Variants in EPHA3 observed in about 807,000 individuals in gnomAD.
EPHA3 encodes EPH receptor A3.
Under a neutral mutation model 107.1 loss-of-function variants are expected in EPHA3, and 42 were observed. The ratio of observed to expected loss-of-function variants is 0.39; its 90% CI spans 0.31 to 0.51. EPHA3 has a LOEUF of 0.51. EPHA3 is among the 20% of genes least tolerant of loss of function. EPHA3 has a pLI of 0.78. For synonymous variants in EPHA3, 461 were observed against 424.8 expected (o/e 1.09, Z -1.05); for missense variants, 1,183 against 1,211.2 (o/e 0.98, Z 0.35).
intron 5 of EPHA3, among the ~76,000 whole-genome samples, chr3:89,381,074 G>T (rs1241927559): frequency 6.6e-6 from 1 of 151,922 alleles, no homozygotes; most frequent in African/African-American, 2.4e-5. Context: ...CTGGTTTCCC[G>T]CCATTCTCTT....
chr3:89,285,647 G>A (rs898036402), intron 3 of EPHA3, among the ~76,000 whole-genome samples: 3 of 152,192 alleles, frequency 2.0e-5, no homozygotes, highest in Admixed American at 6.5e-5. Context: ...GGCCCTGGCC[G>A]GAAGAGTTGT....
intron 2 of EPHA3, among the ~76,000 whole-genome samples, chr3:89,206,161 A>G (rs1706098550): frequency 6.6e-6 from 1 of 152,158 alleles, no homozygotes; most frequent in South Asian, 2.1e-4. Flanking sequence ...TGAAGTGATA[A>G]TTGCTCCTTG....
chr3:89,278,112 T>C (rs1034242694), intron 3 of EPHA3, among the ~76,000 whole-genome samples: 2 of 152,326 alleles, frequency 1.3e-5, no homozygotes, highest in African/African-American at 2.4e-5. Flanking sequence ...TCCTTTAAAA[T>C]AGAGTCAAAA....
intron 1 of EPHA3, among the ~76,000 whole-genome samples, chr3:89,117,835 G>A (rs981505235): frequency 1.3e-5 from 2 of 151,866 alleles, no homozygotes; most frequent in African/African-American, 4.8e-5. Context: ...TTCAAAGGTG[G>A]CAAAAAGGCT....
At chr3:89,421,020 A>C (rs1331736334) in intron 11 of EPHA3, among the ~76,000 whole-genome samples, 1 of 151,458 alleles carries the variant, frequency 6.6e-6, no homozygotes, top group Non-Finnish European at 1.5e-5. Context: ...TGCTAGAGGT[A>C]GCACTGGGAA....
chr3:89,173,989 A>G (rs949040650), intron 2 of EPHA3, among the ~76,000 whole-genome samples: 12 of 152,020 alleles, frequency 7.9e-5, no homozygotes, highest in African/African-American at 2.9e-4. Flanking sequence ...GTCTTTTGGG[A>G]CATATATTTT....
chr3:89,299,499 A>T (rs1429680886), intron 3 of EPHA3, among the ~76,000 whole-genome samples: 6 of 152,028 alleles, frequency 3.9e-5, no homozygotes, highest in Non-Finnish European at 8.8e-5. Context: ...TAACGGCATC[A>T]TCATAAAATA....
intron 2 of EPHA3, among the ~76,000 whole-genome samples, chr3:89,185,281 T>C (rs1280682355): frequency 1.3e-5 from 2 of 151,922 alleles, no homozygotes; most frequent in African/African-American, 2.4e-5. Context: ...TTTTAGAAAT[T>C]AGAAAAAAAA....
chr3:89,330,780 C>T (rs975650289), intron 3 of EPHA3, among the ~76,000 whole-genome samples: 8 of 152,118 alleles, frequency 5.3e-5, no homozygotes, highest in South Asian at 2.1e-4. Context: ...CTAAATTTTC[C>T]GCTCTGTTTT....
intron 3 of EPHA3, among the ~76,000 whole-genome samples, chr3:89,305,678 A>G (rs761702308): frequency 1.3e-5 from 2 of 152,032 alleles, no homozygotes; most frequent in Non-Finnish European, 2.9e-5. Context: ...TGTGCCACCA[A>G]TTTTAGTGTT....
rs149351497 is a variant in EPHA3 at position 89,206,327 on chromosome 3, C to T, written c.154-3533C>T. On this transcript the variant is annotated intron_variant, in intron 2 of 16. Transcript: ENST00000336596. ...ATTTTACATCAAGTTATGAAAACCT[C>T]TACACAATATGTTCTGTTTGATGTC... Among the ~76,000 whole-genome samples, 1,151 of 152,198 alleles carry T rather than the reference C, an allele frequency of 7.6e-3. 25 individuals carry two copies. The highest frequency in any genetic ancestry group is 6.1e-3 in the Non-Finnish European group (415 of 67,994).
chr3:89,422,536 C>T (rs1163930621), intron 11 of EPHA3, among the ~76,000 whole-genome samples: 3 of 151,304 alleles, frequency 2.0e-5, no homozygotes, highest in East Asian at 3.9e-4. Context: ...TTCATTTCTT[C>T]GCTTGTAACA....
chr3:89,432,117 C>A (rs1709580488), intron 13 of EPHA3, among the ~76,000 whole-genome samples: 3 of 151,692 alleles, frequency 2.0e-5, no homozygotes, highest in African/African-American at 7.3e-5. Flanking sequence ...TATTTTATAC[C>A]AATGTATGTG....
intron 12 of EPHA3, 129 bp from the exon 13 acceptor site, chr3:89,431,021 G>A (rs1709556272): frequency 2.4e-6 from 2 of 830,964 alleles, no homozygotes; most frequent in Non-Finnish European, 3.7e-6. Context: ...TCTTTGTCTT[G>A]AGTGCTTAGG....
At chr3:89,204,629 T>TGTGTGTGG (rs1217021223) in intron 2 of EPHA3, among the ~76,000 whole-genome samples, 1 of 151,880 alleles carries the variant, frequency 6.6e-6, no homozygotes, top group Admixed American at 6.6e-5. Flanking sequence ...TGTGTGTGTG[T>TGTGTGTGG]GTGTGTGTAC....
chr3:89,378,640 A>G (rs1708446967), intron 5 of EPHA3, among the ~76,000 whole-genome samples: 1 of 152,182 alleles, frequency 6.6e-6, no homozygotes, highest in Non-Finnish European at 1.5e-5. Flanking sequence ...CTTGCTCTAT[A>G]TAGGCTAATG....
At chr3:89,412,335 T>C (rs1709170763) in intron 9 of EPHA3, among the ~76,000 whole-genome samples, 1 of 151,664 alleles carries the variant, frequency 6.6e-6, no homozygotes, top group South Asian at 2.1e-4. Context: ...AATGAATAAA[T>C]ATAATATGAA....
At chr3:89,115,306 C>A (rs1707226385) in intron 1 of EPHA3, among the ~76,000 whole-genome samples, 1 of 151,632 alleles carries the variant, frequency 6.6e-6, no homozygotes, top group South Asian at 2.1e-4. Context: ...CTTTAGGCCC[C>A]TAGTAATTGC....
chr3:89,147,428 G>A (rs564309387), intron 2 of EPHA3, among the ~76,000 whole-genome samples: 56 of 151,916 alleles, frequency 3.7e-4, no homozygotes, highest in South Asian at 1.0e-3. Flanking sequence ...TAAGATGTAT[G>A]GTAAGAATAA....
Sources: gnomAD v4.1 joint callset for allele counts (sites outside exome capture counted in the v4.1 genomes callset) on GRCh38, gnomAD v4.1.1 for gene constraint, MANE v1.5 for transcripts, NCBI Gene and HGNC (gene_info 2026-07-23, HGNC 2026-07-21) for gene names.